The following GNRHR variants were observed in gnomAD, a reference collection of about 807,000 sequenced individuals.
GNRHR encodes the protein gonadotropin-releasing hormone receptor.
In GNRHR, 14 loss-of-function variants were observed where a neutral mutation model predicts 28.1. That is an observed-to-expected ratio of 0.50 (90% CI 0.33 to 0.78). The LOEUF is 0.78. Among genes scored for constraint, GNRHR ranks in the 30% least tolerant of loss-of-function variants. GNRHR has a pLI of 0.02. For synonymous variants in GNRHR, 141 were observed against 140.5 expected (o/e 1.00, Z -0.02); for missense variants, 366 against 382.1 (o/e 0.96, Z 0.35).
At chr4:67,752,825 A>C (rs1731896404) in intron 1 of GNRHR, among the ~76,000 whole-genome samples, 1 of 150,994 alleles carries the variant, frequency 6.6e-6, no homozygotes, top group Admixed American at 6.6e-5. Flanking sequence ...GTTGTTTTTT[A>C]ACCATCTGGT....
intron 1 of GNRHR, among the ~76,000 whole-genome samples, chr4:67,750,344 C>T (rs1183460762): frequency 6.6e-6 from 1 of 152,134 alleles, no homozygotes; most frequent in East Asian, 1.9e-4. Context: ...ACCAGAGCAG[C>T]TCCACTTATA....
chr4:67,751,812 A>C (rs1007642521), intron 1 of GNRHR: 1 of 152,200 alleles, frequency 6.6e-6, no homozygotes, highest in Non-Finnish European at 1.5e-5. Context: ...ACTACTTTAC[A>C]CATAGTTGTA....
At chr4:67,749,619 T>C (rs1483575778) in intron 1 of GNRHR, among the ~76,000 whole-genome samples, 7 of 151,966 alleles carry the variant, frequency 4.6e-5, no homozygotes, top group Non-Finnish European at 1.0e-4. Flanking sequence ...CCTTCCCTCC[T>C]TCGTTTTTCT....
At position 67,754,176 on chromosome 4, in the gene GNRHR, C is replaced by T. The variant is rs758813761; in HGVS notation, c.160G>A (p.Ala54Thr). 1.2e-6 allele frequency: 2 copies of T among 1,614,094 alleles called. No individual in the cohort carries two copies. The highest frequency in any genetic ancestry group is 2.2e-5 in the South Asian group (2 of 91,088). Residue 54 changes from alanine to threonine, a missense_variant, in exon 1 of 3, where the codon GCT (alanine) becomes ACT (threonine). Physicochemically the swap from Ala to Thr is moderately conservative, Grantham distance 58 (BLOSUM62 0). Transcript: ENST00000226413. ...TTCTGAAGTTTCAACAAGAAAGAAG[C>T]ATTAAAGGTCGCAGAGAGCAGAAAA... The part of the protein sequence containing the change: ...FLFLLSATFN[A>T]SFLLKLQKWT...
chr4:67,744,861 T>C, intron 1 of GNRHR, 74 bp from the exon 2 acceptor site: 1 of 853,274 alleles, frequency 1.2e-6, no homozygotes, highest in Non-Finnish European at 2.0e-6. Context: ...GGTACTCTGC[T>C]AGCCTTCTAA....
chr4:67,746,339 A>G (rs1731754347), intron 1 of GNRHR, among the ~76,000 whole-genome samples: 1 of 152,138 alleles, frequency 6.6e-6, no homozygotes, highest in Non-Finnish European at 1.5e-5. Flanking sequence ...AATTATTTTT[A>G]AAAAGCCTTT....
rs1354873911 is a variant in GNRHR, at chr4:67,738,239, C to T, written c.*2241G>A. ...TGTAATAGATTTCTTTATATATATACAAAGTCAACTAGGACTTCTTAACCT... is the reference window on the plus strand; with the variant it reads ...TGTAATAGATTTCTTTATATATATATAAAGTCAACTAGGACTTCTTAACCT... On this transcript the variant is annotated 3_prime_UTR_variant, in exon 3 of 3. Coordinates refer to ENST00000226413, the MANE Select transcript of GNRHR (RefSeq NM_000406.3). Among the ~76,000 whole-genome samples the T allele has an allele frequency of 1.3e-5, 2 of 151,622 alleles. No homozygotes were observed. Among genetic ancestry groups the T allele is most frequent in the Non-Finnish European group, 3.0e-5 (2 of 67,794 alleles).
intron 1 of GNRHR, chr4:67,751,691 ACTT>A (rs1358554628): frequency 1.3e-5 from 2 of 152,230 alleles, no homozygotes; most frequent in South Asian, 2.1e-4. Context: ...CTTCTAGGAG[ACTT>A]CTTCTAAGAA....
chr4:67,744,582 T>G lies in GNRHR; in HGVS notation c.728A>C (p.His243Pro), dbSNP rs757022427. ...KIIFTLTRVL[H>P]QDPHELQLNQ... ...GGAATACATACCGTGGGGGTCCTGA[T>G]GAAGGACCCGTGTCAGGGTGAAGAT... is the stretch of plus-strand genomic sequence containing the variant. Residue 243 changes from histidine to proline, a missense_variant, in exon 2 of 3, where the codon CAT becomes CCT. Transcript: ENST00000226413. 6.3e-7 allele frequency: 1 copy of G among 1,590,032 alleles called. No homozygotes were observed. The highest frequency in any genetic ancestry group is 8.6e-7 in the Non-Finnish European group (1 of 1,158,086).
chr4:67,752,799 GT>G (rs138040976), intron 1 of GNRHR, among the ~76,000 whole-genome samples: 1 of 123,248 alleles, frequency 8.1e-6, no homozygotes, highest in Non-Finnish European at 1.9e-5. Flanking sequence ...CTGCATGGCA[GT>G]TTTTTTTTGT....
chr4:67,740,975 G>T (rs148202659), intron 2 of GNRHR, among the ~76,000 whole-genome samples: 1 of 152,126 alleles, frequency 6.6e-6, no homozygotes, highest in African/African-American at 2.4e-5. Context: ...TGAAATATGG[G>T]GTACTCAAAC....
At chr4:67,750,739 A>G (rs1731850621) in intron 1 of GNRHR, among the ~76,000 whole-genome samples, 1 of 152,172 alleles carries the variant, frequency 6.6e-6, no homozygotes, top group South Asian at 2.1e-4. Flanking sequence ...AATTACTCAA[A>G]TAATAGAAAA....
intron 2 of GNRHR, among the ~76,000 whole-genome samples, chr4:67,743,152 G>A (rs376057249): frequency 4.6e-5 from 7 of 151,852 alleles, no homozygotes; most frequent in South Asian, 2.1e-4. Context: ...AGGTTTCATC[G>A]TCTTGGTCAG....
chr4:67,747,969 G>A (rs760441641), intron 1 of GNRHR, among the ~76,000 whole-genome samples: 18 of 151,840 alleles, frequency 1.2e-4, no homozygotes, highest in Non-Finnish European at 2.5e-4. Context: ...TGTGCTCCAA[G>A]GCCATGTTCA....
chr4:67,747,826 A>T (rs1260031674), intron 1 of GNRHR, among the ~76,000 whole-genome samples: 1 of 152,164 alleles, frequency 6.6e-6, no homozygotes. Context: ...GGTAGTGCAG[A>T]TTTAAAATGT....
chr4:67,754,193 A>C lies in GNRHR; in HGVS notation c.143T>G (p.Leu48Arg). The C allele has an allele frequency of 1.2e-6, 2 of 1,614,148 alleles. No individual in the cohort carries two copies. Among genetic ancestry groups the C allele is most frequent in the Non-Finnish European group, 1.7e-6 (2 of 1,179,992 alleles). Residue 48 changes from leucine to arginine, a missense_variant, in exon 1 of 3, where the codon CTC becomes CGC. Leu to Arg is a moderately radical substitution (Grantham distance 102). Coordinates refer to ENST00000226413, the MANE Select transcript of GNRHR (RefSeq NM_000406.3). ...GAAAGAAGCATTAAAGGTCGCAGAGAGCAGAAAAAGGAAGAAAGTAACCGT... is the reference window on the plus strand; with the variant it reads ...GAAAGAAGCATTAAAGGTCGCAGAGCGCAGAAAAAGGAAGAAAGTAACCGT... The part of the protein sequence containing the change: ...RVTVTFFLFL[L>R]SATFNASFLL...
Position 67,744,779 on chromosome 4 carries a change from G to C in GNRHR, c.531C>G (p.Ile177Met), listed in dbSNP as rs1731725874. 1 of 1,548,072 alleles carries C rather than the reference G, an allele frequency of 6.5e-7. No individual in the cohort carries two copies. The highest frequency in any genetic ancestry group is 8.9e-7 in the Non-Finnish European group (1 of 1,119,864). Reference protein sequence around the residue: ...SSVFAGPQLYIFRMIHLADSS... With the variant: ...SSVFAGPQLYMFRMIHLADSS... ...TGTCTGCTAGATGAATCATCCTGAA[G>C]ATGTATAACTGTATGAGACAATAAA... Residue 177 changes from isoleucine (I) to methionine (M), a missense_variant, in exon 2 of 3, where the codon ATC becomes ATG. Ile to Met is a conservative substitution (Grantham distance 10). Transcript: ENST00000226413.
chr4:67,740,806 C>T, intron 2 of GNRHR, 82 bp from the exon 3 acceptor site: 2 of 924,842 alleles, frequency 2.2e-6, no homozygotes, highest in Admixed American at 1.8e-5. Context: ...GACAGCATCA[C>T]TAATTCAACT....
In GNRHR at chr4:67,739,603, T is replaced by C. The variant is rs185479891; in HGVS notation, c.*877A>G. ...TTCTCAGTTATTTATGAAATATGGA[T>C]TTAGTAAGATCAGGAGAGAGACAAA... On this transcript the variant is annotated 3_prime_UTR_variant, in exon 3 of 3. Transcript: ENST00000226413. The C allele has an allele frequency of 4.6e-4, 70 of 152,168 alleles. No individual in the cohort carries two copies. The highest frequency in any genetic ancestry group is 1.7e-3 in the African/African-American group (70 of 41,564). The allele number at this position is 152,168 out of a possible 1,614,324, so 9.4% of individuals were successfully genotyped here. A position where few individuals can be genotyped will look rare whatever the true frequency, so the allele number is the denominator to read the frequency against.
Sources: gnomAD v4.1 joint callset for allele counts (sites outside exome capture counted in the v4.1 genomes callset) on GRCh38, gnomAD v4.1.1 for gene constraint, MANE v1.5 for transcripts, NCBI Gene and HGNC (gene_info 2026-07-23, HGNC 2026-07-21) for gene names.